FOCAD: variants seen among roughly 807,000 people sequenced by gnomAD.
FOCAD encodes the protein focadhesin.
A neutral mutation model predicts 225.6 loss-of-function variants in FOCAD; 198 were observed. The observed-to-expected ratio is 0.88, with a 90% CI of 0.78 to 0.99. FOCAD has a LOEUF of 0.99. Among genes scored for constraint, FOCAD ranks in the 50% least tolerant of loss-of-function variants. The pLI is 0.00. For synonymous variants in FOCAD, 897 were observed against 755.0 expected (o/e 1.19, Z -3.08); for missense variants, 2,713 against 2,123.6 (o/e 1.28, Z -5.46).
At chr9:20,745,282 T>C (rs556943738) in intron 5 of FOCAD, among the ~76,000 whole-genome samples, 1 of 152,088 alleles carries the variant, frequency 6.6e-6, no homozygotes, top group Admixed American at 6.5e-5. Context: ...TAATTTTTTG[T>C]AGAGGCAGGG....
At chr9:20,968,428 A>ATTTT (rs1839457556) in intron 35 of FOCAD, among the ~76,000 whole-genome samples, 1 of 34,790 alleles carries the variant, frequency 2.9e-5, no homozygotes, top group Non-Finnish European at 6.3e-5. Context: ...GTATTTTCTT[A>ATTTT]TTCTTTTTTT....
chr9:20,707,946 A>C (rs114997596), intron 1 of FOCAD, among the ~76,000 whole-genome samples: 2,306 of 152,322 alleles, frequency 0.015, 60 homozygotes, highest in African/African-American at 0.053. Flanking sequence ...GAGAGGGTAC[A>C]TGGAAATACT....
upstream of FOCAD, among the ~76,000 whole-genome samples, chr9:20,657,913 C>G (rs1484941992): frequency 7.5e-6 from 1 of 133,010 alleles, no homozygotes; most frequent in African/African-American, 2.8e-5. Flanking sequence ...GTGGTTTTAT[C>G]TACTTTTGGT....
At chr9:20,926,172 G>A (rs1834924760) in intron 25 of FOCAD, 129 bp from the exon 26 acceptor site, 1 of 613,064 alleles carries the variant, frequency 1.6e-6, no homozygotes, top group African/African-American at 1.8e-5. Flanking sequence ...TATAGTCCAA[G>A]CAGATGAAGT....
chr9:20,787,339 A>T (rs929755960), intron 10 of FOCAD, among the ~76,000 whole-genome samples: 1 of 152,186 alleles, frequency 6.6e-6, no homozygotes, highest in Non-Finnish European at 1.5e-5. Flanking sequence ...TAGGTGTTTT[A>T]TAGATATTAT....
intron 14 of FOCAD, 22 bp from the exon 15 acceptor site, chr9:20,822,967 T>A: frequency 1.3e-6 from 2 of 1,561,960 alleles, no homozygotes; most frequent in Non-Finnish European, 1.7e-6. Context: ...TAATTTTGCT[T>A]TTAAACTTTC....
At chr9:20,891,867 T>G (rs747334529) in intron 21 of FOCAD, among the ~76,000 whole-genome samples, 2 of 152,152 alleles carry the variant, frequency 1.3e-5, no homozygotes, top group African/African-American at 2.4e-5. Context: ...AGAAGATGCC[T>G]TGTAGAAATT....
chr9:20,978,402 C>T lies in FOCAD; in HGVS notation c.4325C>T (p.Ala1442Val). 6.2e-7 allele frequency: 1 copy of T among 1,612,086 alleles called. No homozygotes were observed. Among genetic ancestry groups the T allele is most frequent in the East Asian group, 2.2e-5 (1 of 44,746 alleles). ...ACCCAGGCACAGTCATCCCAGAATG[C>T]AGCTGCACTATTGGGCTTGTGGGTG... ...MVTQAQSSQNAAALLGLWVTP... is the reference protein window; with the variant it reads ...MVTQAQSSQNVAALLGLWVTP... The change falls in exon 37 of 44, where the codon GCA (alanine) becomes GTA (valine). Residue 1442 changes from alanine (A) to valine (V), a missense_variant. By Grantham distance (64) the Ala-to-Val change is moderately conservative. Transcript: ENST00000338382.
chr9:20,940,010 C>G (rs1186017657), intron 28 of FOCAD, among the ~76,000 whole-genome samples: 1 of 150,834 alleles, frequency 6.6e-6, no homozygotes, highest in Non-Finnish European at 1.5e-5. Context: ...TCCAAGTGTT[C>G]TCATTGTTCA....
intron 15 of FOCAD, among the ~76,000 whole-genome samples, chr9:20,846,593 G>C (rs1827135918): frequency 6.6e-6 from 1 of 152,150 alleles, no homozygotes; most frequent in Non-Finnish European, 1.5e-5. Flanking sequence ...ACACTTGGCT[G>C]TGTTGGATGA....
intron 18 of FOCAD, among the ~76,000 whole-genome samples, chr9:20,872,267 T>G (rs1829847895): frequency 6.6e-6 from 1 of 152,188 alleles, no homozygotes; most frequent in Admixed American, 6.6e-5. Context: ...GCAATCTTTC[T>G]TTAGTGGCTC....
At chr9:20,984,285 A>G (rs974523279) in intron 39 of FOCAD, among the ~76,000 whole-genome samples, 4 of 152,190 alleles carry the variant, frequency 2.6e-5, no homozygotes, top group African/African-American at 9.6e-5. Context: ...GGACTTTAAT[A>G]GTGATCTACT....
chr9:20,873,717 T>C (rs1448878721), intron 18 of FOCAD: 1 of 152,148 alleles, frequency 6.6e-6, no homozygotes, highest in Non-Finnish European at 1.5e-5. Context: ...CTGTTTCTTC[T>C]ACCCCCCTGC....
chr9:20,778,163 G>C (rs1242487038), intron 8 of FOCAD, among the ~76,000 whole-genome samples: 1 of 149,062 alleles, frequency 6.7e-6, no homozygotes, highest in Non-Finnish European at 1.5e-5. Context: ...GTTTTCCTCT[G>C]AATTATTTGG....
intron 7 of FOCAD, among the ~76,000 whole-genome samples, chr9:20,767,498 C>G (rs1170350901): frequency 2.6e-5 from 4 of 151,528 alleles, no homozygotes; most frequent in African/African-American, 9.7e-5. Flanking sequence ...TGTTTCCTGA[C>G]TTTTTAATGA....
At chr9:20,990,983 A>G (rs935121629) in intron 42 of FOCAD, among the ~76,000 whole-genome samples, 1 of 152,190 alleles carries the variant, frequency 6.6e-6, no homozygotes, top group Non-Finnish European at 1.5e-5. Context: ...CCTTGCCCTC[A>G]GGAAAACCTA....
At chr9:20,731,525 T>C (rs940607844) in intron 4 of FOCAD, among the ~76,000 whole-genome samples, 1 of 152,192 alleles carries the variant, frequency 6.6e-6, no homozygotes, top group Non-Finnish European at 1.5e-5. Flanking sequence ...TATGTAAATA[T>C]AGAACTAGAA....
chr9:20,877,648 G>A (rs1055985227), intron 19 of FOCAD, among the ~76,000 whole-genome samples: 12 of 152,096 alleles, frequency 7.9e-5, no homozygotes, highest in African/African-American at 2.2e-4. Context: ...TGCAGTCACC[G>A]GAAATACTCT....
At chr9:20,798,917 C>G (rs899539259) in intron 11 of FOCAD, among the ~76,000 whole-genome samples, 4 of 152,054 alleles carry the variant, frequency 2.6e-5, no homozygotes, top group Non-Finnish European at 5.9e-5. Context: ...TCTTGCTTCT[C>G]TAGTTCTTTT....
Sources: allele counts gnomAD v4.1 joint callset (sites outside exome capture counted in the v4.1 genomes callset), GRCh38; gene constraint gnomAD v4.1.1; transcripts MANE v1.5; gene names NCBI Gene and HGNC (gene_info 2026-07-23, HGNC 2026-07-21).